POLD3: variants seen among roughly 807,000 people sequenced by gnomAD.
The protein encoded by POLD3 is DNA polymerase delta subunit 3.
Under a neutral mutation model 58.2 loss-of-function variants are expected in POLD3, and 19 were observed. The ratio of observed to expected loss-of-function variants is 0.33; its 90% CI spans 0.23 to 0.48. The LOEUF is 0.48. Among genes scored for constraint, POLD3 ranks in the 20% least tolerant of loss-of-function variants. POLD3 has a pLI of 0.99. For synonymous variants in POLD3, 172 were observed against 193.5 expected (o/e 0.89, Z 0.92); for missense variants, 504 against 545.5 (o/e 0.92, Z 0.76).
intron 2 of POLD3, among the ~76,000 whole-genome samples, chr11:74,599,387 A>ACGGAGTCTCGCTCTGTTGCCTAGGC (rs2031400238): frequency 2.4e-5 from 2 of 82,010 alleles, no homozygotes; most frequent in Non-Finnish European, 4.8e-5. Flanking sequence ...TTTTTTTTTG[A>ACGGAGTCTCGCTCTGTTGCCTAGGC]CGGAGTCTCG....
At chr11:74,664,300 A>T (rs990126183) in intron 4 of POLD3, among the ~76,000 whole-genome samples, 1 of 152,206 alleles carries the variant, frequency 6.6e-6, no homozygotes, top group Admixed American at 6.5e-5. Context: ...AAATGAAAAC[A>T]TACATCCATA....
chr11:74,631,394 C>T (rs1221355298), intron 9 of POLD3, among the ~76,000 whole-genome samples: 1 of 150,526 alleles, frequency 6.6e-6, no homozygotes, highest in African/African-American at 2.4e-5. Context: ...ATGGTATAGG[C>T]TTTTTATGAA....
At chr11:74,608,991 GT>G (rs926225311) in intron 3 of POLD3, among the ~76,000 whole-genome samples, 9 of 151,838 alleles carry the variant, frequency 5.9e-5, no homozygotes, top group Admixed American at 2.0e-4. Context: ...TTAGATTGCT[GT>G]TTTTTTTATG....
downstream of POLD3, among the ~76,000 whole-genome samples, chr11:74,645,862 T>G (rs2032992357): frequency 6.6e-6 from 1 of 152,106 alleles, no homozygotes; most frequent in South Asian, 2.1e-4. Flanking sequence ...TTCATTGCCC[T>G]CAGTCTTAAC....
chr11:74,648,694 G>A (rs147717403), intron 4 of POLD3, among the ~76,000 whole-genome samples: 124 of 152,330 alleles, frequency 8.1e-4, no homozygotes, highest in Middle Eastern at 6.8e-3. Context: ...TAAGTAGGCA[G>A]AGGCCAGCTC....
intron 3 of POLD3, among the ~76,000 whole-genome samples, chr11:74,609,384 T>A (rs1384667752): frequency 0.058 from 1,604 of 27,608 alleles, 14 homozygotes; most frequent in African/African-American, 0.19. Flanking sequence ...TTTTTTTTTT[T>A]TTTTTTTTTT....
rs769370381 is a variant in POLD3, at chr11:74,625,494, A to C, written c.820A>C (p.Lys274Gln). The part of the protein sequence containing the change: ...EQPTVSVTEP[K>Q]LATPAGLKKS... The stretch of plus-strand genomic sequence containing the variant: ...GCCTACAGTGTCTGTCACGGAACCA[A>C]AGCTGGCAACTCCTGCAGGCCTGAA... The change falls in exon 8 of 12, where the codon AAG (lysine) becomes CAG (glutamine). Residue 274 changes from lysine (K) to glutamine (Q), a missense_variant. Lys to Gln is a moderately conservative substitution (Grantham distance 53). This residue lies in a region of POLD3 where 385 missense variants were observed against 370.5 expected (regional missense o/e 1.04). Transcript: ENST00000263681. 4.3e-6 allele frequency: 7 copies of C among 1,613,952 alleles called. No individual in the cohort carries two copies. The South Asian group carries it at 7.7e-5, about 18-fold the overall frequency.
At chr11:74,637,709 TG>T (rs1375026221) in intron 11 of POLD3, among the ~76,000 whole-genome samples, 1 of 152,038 alleles carries the variant, frequency 6.6e-6, no homozygotes, top group African/African-American at 2.4e-5. Flanking sequence ...ACTCGAGTTT[TG>T]GCCAGGTGTG....
downstream of POLD3, among the ~76,000 whole-genome samples, chr11:74,646,734 A>G (rs576594994): frequency 2.0e-5 from 3 of 152,352 alleles, no homozygotes; most frequent in Admixed American, 1.3e-4. Context: ...AAGCTATGCT[A>G]CAGGTTCATA....
downstream of POLD3, among the ~76,000 whole-genome samples, chr11:74,645,932 T>G (rs1411551048): frequency 6.6e-6 from 1 of 151,860 alleles, no homozygotes; most frequent in Non-Finnish European, 1.5e-5. Flanking sequence ...CGCCCAGTGA[T>G]GATTGATGTT....
chr11:74,618,113 C>G (rs1232761159), intron 5 of POLD3, among the ~76,000 whole-genome samples: 1 of 152,052 alleles, frequency 6.6e-6, no homozygotes, highest in African/African-American at 2.4e-5. Flanking sequence ...AAATCTAGCC[C>G]TATCAGAGGA....
In POLD3 at chr11:74,642,330, AAAGGATGGAGAG is replaced by A. The variant is rs1457409294; in HGVS notation, c.*1574_*1585del. 1 of 985,268 alleles carries A rather than the reference AAAGGATGGAGAG, an allele frequency of 1.0e-6. No homozygotes were observed. Among genetic ancestry groups the A allele is most frequent in the Non-Finnish European group, 1.2e-6 (1 of 829,900 alleles). The allele number at this position is 985,268 out of a possible 1,614,324, so 61.0% of individuals were successfully genotyped here. A position where few individuals can be genotyped will look rare whatever the true frequency, so the allele number is the denominator to read the frequency against. On this transcript the variant is annotated 3_prime_UTR_variant, in exon 12 of 12. Transcript: ENST00000263681. ...CCAAAACCCTTCTTTTTAAAAGGAA[AAAGGATGGAGAG>A]AAGGATGGAAAGCCTGGACTTAAAC...
Position 74,642,891 on chromosome 11 carries a change from T to C in POLD3, c.*2125T>C, listed in dbSNP as rs2032950315. 2 of 985,366 alleles carry C rather than the reference T, an allele frequency of 2.0e-6. No individual in the cohort carries two copies. Among genetic ancestry groups the C allele is most frequent in the Non-Finnish European group, 2.4e-6 (2 of 829,860 alleles). 61.0% of individuals were successfully genotyped at this position (985,366 alleles called of 1,614,324 possible). A position where few individuals can be genotyped will look rare whatever the true frequency, so the allele number is the denominator to read the frequency against. ...AGTTATTTGCTGCCTTCATCGTTTT[T>C]TTCAGCACTGGGGAAATGTTAGTTT... On this transcript the variant is annotated 3_prime_UTR_variant, in exon 12 of 12. Coordinates refer to ENST00000263681, the MANE Select transcript of POLD3 (RefSeq NM_006591.3).
intron 4 of POLD3, 103 bp downstream of exon 4, chr11:74,611,641 T>G (rs1351208369): frequency 1.9e-5 from 13 of 669,966 alleles, no homozygotes; most frequent in Non-Finnish European, 3.2e-5. Context: ...TTTAGCTATT[T>G]AACTGAATAG....
At chr11:74,658,703 A>G (rs1328016569) in intron 4 of POLD3, among the ~76,000 whole-genome samples, 1 of 152,194 alleles carries the variant, frequency 6.6e-6, no homozygotes, top group Non-Finnish European at 1.5e-5. Flanking sequence ...GGGCAGTCAA[A>G]TTTTAAAGCT....
chr11:74,625,871 TTGTGTGTGTGTGTG>T (rs56365420), intron 8 of POLD3, among the ~76,000 whole-genome samples: 3 of 143,574 alleles, frequency 2.1e-5, no homozygotes, highest in African/African-American at 5.2e-5. Flanking sequence ...GTGTGCCTAG[TTGTGTGTGTGTGTG>T]TGTGTGTGTG....
At chr11:74,647,579 A>G (rs1448643140), downstream of POLD3, among the ~76,000 whole-genome samples, 1 of 152,142 alleles carries the variant, frequency 6.6e-6, no homozygotes, top group Non-Finnish European at 1.5e-5. Context: ...TAAGAAGAAT[A>G]TATTGGTGCA....
chr11:74,663,435 G>A (rs1029986230), intron 4 of POLD3, among the ~76,000 whole-genome samples: 2 of 152,200 alleles, frequency 1.3e-5, no homozygotes, highest in African/African-American at 4.8e-5. Context: ...CTTGTAATAA[G>A]ACAGAGGTGA....
chr11:74,613,083 C>T (rs2031968656), intron 5 of POLD3, 73 bp downstream of exon 5: 1 of 1,366,492 alleles, frequency 7.3e-7, no homozygotes, highest in Non-Finnish European at 1.0e-6. Context: ...GTGGCTGCCT[C>T]TTAAGAGTGA....
Sources: gnomAD v4.1 joint callset for allele counts (sites outside exome capture counted in the v4.1 genomes callset) on GRCh38, gnomAD v4.1.1 for gene constraint, gnomAD v4.1.1 regional missense constraint, MANE v1.5 for transcripts, NCBI Gene and HGNC (gene_info 2026-07-23, HGNC 2026-07-21) for gene names.